TLN2: variants seen among roughly 807,000 people sequenced by gnomAD.
TLN2 encodes talin 2, also known as talin-2.
In TLN2, 118 loss-of-function variants were observed where a neutral mutation model predicts 294.7. The observed-to-expected ratio is 0.40, with a 90% CI of 0.34 to 0.47. TLN2 has a LOEUF of 0.47. Among genes scored for constraint, TLN2 ranks in the 20% least tolerant of loss-of-function variants. The probability of loss-of-function intolerance (pLI) is 0.84; values close to 1 mark genes in which losing one functional copy is unlikely to be tolerated. For synonymous variants in TLN2, 1,431 were observed against 1,304.5 expected, an observed-to-expected ratio of 1.10 and a Z score of -2.09; for missense variants, 3,083 against 3,282.2, an observed-to-expected ratio of 0.94 and a Z score of 1.48.
intron 1 of TLN2, among the ~76,000 whole-genome samples, chr15:62,558,490 A>G (rs928781960): frequency 1.3e-5 from 2 of 152,154 alleles, no homozygotes; most frequent in Admixed American, 6.5e-5. Context: ...TTCAACCTTC[A>G]TAGATTCTTA....
chr15:62,825,772 A>G (rs1357544613), intron 54 of TLN2, among the ~76,000 whole-genome samples: 1 of 33,308 alleles, frequency 3.0e-5, no homozygotes, highest in East Asian at 6.7e-4. Flanking sequence ...ATTATATATT[A>G]TATAATATAT....
chr15:62,696,437 T>G (rs945941791), intron 14 of TLN2, among the ~76,000 whole-genome samples: 1 of 152,262 alleles, frequency 6.6e-6, no homozygotes, highest in African/African-American at 2.4e-5. Flanking sequence ...CTGGGCACTG[T>G]GGCTCACGCC....
intron 45 of TLN2, among the ~76,000 whole-genome samples, chr15:62,790,002 A>G (rs2064965615): frequency 6.6e-6 from 1 of 152,322 alleles, no homozygotes; most frequent in Admixed American, 6.5e-5. Context: ...GCTGCTGGGT[A>G]GTTTTGTGCT....
chr15:62,719,888 G>A lies in TLN2; in HGVS notation c.2991+8G>A. 6.3e-7 allele frequency: 1 copy of A among 1,599,750 alleles called. No homozygotes were observed. The highest frequency in any genetic ancestry group is 8.5e-7 in the Non-Finnish European group (1 of 1,172,676). On this transcript the variant is annotated splice_region_variant and intron_variant, in intron 25 of 58. Coordinates refer to ENST00000636159, the MANE Select transcript of TLN2 (RefSeq NM_015059.3). ...AGCCAGAACTTCCTCCAGGTAACAGGGCTGTGGTCACCTTGGGCTCACTCA... is the reference window on the plus strand; with the variant it reads ...AGCCAGAACTTCCTCCAGGTAACAGAGCTGTGGTCACCTTGGGCTCACTCA...
intron 1 of TLN2, among the ~76,000 whole-genome samples, chr15:62,564,162 C>T (rs1409484811): frequency 1.3e-5 from 2 of 152,170 alleles, no homozygotes; most frequent in Non-Finnish European, 2.9e-5. Context: ...CTGTTTTACA[C>T]ATGAGGGAAT....
At chr15:62,637,964 T>A (rs1378672684) in intron 3 of TLN2, 1 of 152,352 alleles carries the variant, frequency 6.6e-6, no homozygotes, top group Non-Finnish European at 1.5e-5. Flanking sequence ...TATCGAGGAT[T>A]CTTATGATGT....
chr15:62,394,278 C>T (rs1566938634), intron 1 of TLN2, among the ~76,000 whole-genome samples: 1 of 152,134 alleles, frequency 6.6e-6, no homozygotes, highest in African/African-American at 2.4e-5. Flanking sequence ...AACTTGTGAT[C>T]TGTGACATTA....
At chr15:62,680,199 T>G (rs1470911282) in intron 11 of TLN2, among the ~76,000 whole-genome samples, 1 of 152,222 alleles carries the variant, frequency 6.6e-6, no homozygotes, top group Non-Finnish European at 1.5e-5. Flanking sequence ...TATCTATGTC[T>G]ACCAAAAGGC....
intron 1 of TLN2, among the ~76,000 whole-genome samples, chr15:62,452,221 G>A (rs577619651): frequency 6.6e-6 from 1 of 152,102 alleles, no homozygotes; most frequent in Non-Finnish European, 1.5e-5. Context: ...GGAGCCAGGA[G>A]GGCTTGCGAA....
At chr15:62,560,574 G>T (rs748797307) in intron 1 of TLN2, among the ~76,000 whole-genome samples, 1 of 152,192 alleles carries the variant, frequency 6.6e-6, no homozygotes, top group Admixed American at 6.5e-5. Context: ...TGATCCGCGC[G>T]CCTGGCCTCC....
At position 62,501,665 on chromosome 15, in the gene TLN2, C is replaced by G. The variant is rs184005852; in HGVS notation, c.-237-88022C>G. Among the ~76,000 whole-genome samples, 6 of 152,310 alleles carry G rather than the reference C, an allele frequency of 3.9e-5. No homozygotes were observed. The East Asian group carries it at 1.2e-3, about 29-fold the overall frequency. ...AAAGGAATAGTCACAATTAGAGGGA[C>G]CCATCCACACTGATGTGACAGAACC... is the stretch of plus-strand genomic sequence containing the variant. On this transcript the variant is annotated intron_variant, in intron 1 of 58. Coordinates refer to ENST00000636159, the MANE Select transcript of TLN2 (RefSeq NM_015059.3).
intron 7 of TLN2, among the ~76,000 whole-genome samples, chr15:62,653,855 T>C (rs2052894428): frequency 6.6e-6 from 1 of 152,234 alleles, no homozygotes; most frequent in African/African-American, 2.4e-5. Flanking sequence ...AAAAATTTTT[T>C]TAATAGTGTG....
chr15:62,758,279 C>T lies in TLN2; in HGVS notation c.4638+2586C>T, dbSNP rs753289739. ...TTTAAAATCCCAGAGCAGGGCTCCA[C>T]GAGAATCCATTTCTGTGTTTCTGCC... On this transcript the variant is annotated intron_variant, in intron 37 of 58. Coordinates refer to ENST00000636159, the MANE Select transcript of TLN2 (RefSeq NM_015059.3). Among the ~76,000 whole-genome samples, 7 of 152,268 alleles carry T rather than the reference C, an allele frequency of 4.6e-5. 1 individual carries two copies. In the South Asian group the frequency reaches 1.2e-3, roughly 27 times the overall value.
In TLN2 at chr15:62,673,310, C is replaced by CTTTTTTTTTTTTTT. The variant is rs56258541; in HGVS notation, c.789-512_789-499dup. On this transcript the variant is annotated intron_variant, in intron 9 of 58. Coordinates refer to ENST00000636159, the MANE Select transcript of TLN2 (RefSeq NM_015059.3). ...GTTTGCTTTAGATTTTTAGATGTTG[C>CTTTTTTTTTTTTTT]TTTTTTTTTTTTTTTTTTGCAATTT... Among the ~76,000 whole-genome samples the CTTTTTTTTTTTTTT allele has an allele frequency of 4.0e-4, 17 of 42,894 alleles. 3 individuals carry two copies. The highest frequency in any genetic ancestry group is 4.5e-4 in the African/African-American group (6 of 13,434). 28.1% of individuals were successfully genotyped at this position (42,894 alleles called of 152,430 possible).
chr15:62,800,786 T>C lies in TLN2; in HGVS notation c.6477+17T>C, dbSNP rs1430247306. On this transcript the variant is annotated intron_variant, in intron 50 of 58. Coordinates refer to ENST00000636159, the MANE Select transcript of TLN2 (RefSeq NM_015059.3). Reference sequence around the variant, plus strand: ...GAGCTTACGGTAAGGAGCCAGCAGTTACCTCCCTTGGGTACCAGAGTCCCA... The same window carrying C: ...GAGCTTACGGTAAGGAGCCAGCAGTCACCTCCCTTGGGTACCAGAGTCCCA... 1.3e-6 allele frequency: 2 copies of C among 1,599,686 alleles called. No individual in the cohort carries two copies. Among genetic ancestry groups the C allele is most frequent in the Admixed American group, 3.4e-5 (2 of 58,144 alleles).
chr15:62,705,831 G>A (rs2141112749), intron 19 of TLN2, among the ~76,000 whole-genome samples: 1 of 152,280 alleles, frequency 6.6e-6, no homozygotes, highest in South Asian at 2.1e-4. Context: ...AGCACCATGG[G>A]CTTTAATTAT....
chr15:62,762,389 TCTGTACTGG>T lies in TLN2; in HGVS notation c.4901_4909del (p.Val1634_Ala1636del). The T allele has an allele frequency of 6.2e-7, 1 of 1,614,186 alleles. No homozygotes were observed. The highest frequency in any genetic ancestry group is 8.5e-7 in the Non-Finnish European group (1 of 1,180,030). ...CAACCCCAAAGACCCACCCACCTGG[TCTGTACTGG>T]CTGGACATTCCCATACAGTGTCCGA... is the stretch of plus-strand genomic sequence containing the variant. On this transcript the variant is annotated inframe_deletion, in exon 39 of 59. Coordinates refer to ENST00000636159, the MANE Select transcript of TLN2 (RefSeq NM_015059.3).
At chr15:62,689,140 T>TACAAAACGTGTTACACACGTTATGCTC (rs2057558187) in intron 12 of TLN2, among the ~76,000 whole-genome samples, 1 of 151,694 alleles carries the variant, frequency 6.6e-6, no homozygotes, top group Non-Finnish European at 1.5e-5. Context: ...CTTTGTGTGT[T>TACAAAACGTGTTACACACGTTATGCTC]ACGTTTTGAG....
At chr15:62,570,297 T>C (rs921001921) in intron 1 of TLN2, among the ~76,000 whole-genome samples, 6 of 152,240 alleles carry the variant, frequency 3.9e-5, no homozygotes, top group African/African-American at 1.2e-4. Flanking sequence ...TGTTGCTTTC[T>C]AGTTCAACAA....
Sources: gnomAD v4.1 joint callset for allele counts (sites outside exome capture counted in the v4.1 genomes callset) on GRCh38, gnomAD v4.1.1 for gene constraint, MANE v1.5 for transcripts, NCBI Gene and HGNC (gene_info 2026-07-23, HGNC 2026-07-21) for gene names.